Variants in TMEM132D observed in about 807,000 individuals in gnomAD.
TMEM132D encodes transmembrane protein 132D.
A neutral mutation model predicts 62.3 loss-of-function variants in TMEM132D; 21 were observed. The observed-to-expected ratio is 0.34, with a 90% CI of 0.24 to 0.49. The LOEUF is 0.49. Ranked by LOEUF, TMEM132D falls within the 20% of genes least tolerant of loss-of-function variation. The pLI is 0.99. For missense variants in TMEM132D, 1,346 were observed against 1,402.8 expected (o/e 0.96, Z 0.65); for synonymous variants, 621 against 575.6 (o/e 1.08, Z -1.13).
Position 129,277,033 on chromosome 12 carries a change from G to T in TMEM132D, c.1299+60601C>A, listed in dbSNP as rs375988981. Among the ~76,000 whole-genome samples the T allele has an allele frequency of 1.1e-3, 161 of 152,274 alleles. 8 individuals carry two copies. In the South Asian group the frequency reaches 0.032, roughly 31 times the overall value. On this transcript the variant is annotated intron_variant, in intron 4 of 8. Coordinates refer to ENST00000422113, the MANE Select transcript of TMEM132D (RefSeq NM_133448.3). The surrounding 1 kb of genome is among the most constrained non-coding windows in gnomAD (Gnocchi z 4.2). ...AGAAAGTAACCCAAGTCTTGGAGGAGATTCTAAGTCTGACCAAAGGCTAAG... is the reference window on the plus strand; with the variant it reads ...AGAAAGTAACCCAAGTCTTGGAGGATATTCTAAGTCTGACCAAAGGCTAAG...
In TMEM132D at chr12:129,805,203, T is replaced by C. The variant is rs1377363751; in HGVS notation, c.79+98058A>G. ...TTGGAAAAAACTACTTTAAAGTTCATATGGAACCAAAAAAGAGCCCGCATC... is the reference window on the plus strand; with the variant it reads ...TTGGAAAAAACTACTTTAAAGTTCACATGGAACCAAAAAAGAGCCCGCATC... On this transcript the variant is annotated intron_variant, in intron 1 of 8. Coordinates refer to ENST00000422113, the MANE Select transcript of TMEM132D (RefSeq NM_133448.3). Among the ~76,000 whole-genome samples, 7 of 151,898 alleles carry C rather than the reference T, an allele frequency of 4.6e-5. 1 individual carries two copies. The highest frequency in any genetic ancestry group is 1.7e-4 in the African/African-American group (7 of 41,250).
At chr12:129,797,394 C>T (rs780299500) in intron 1 of TMEM132D, among the ~76,000 whole-genome samples, 12 of 152,156 alleles carry the variant, frequency 7.9e-5, no homozygotes, top group Non-Finnish European at 1.5e-4. Flanking sequence ...TGCCATGTAA[C>T]GTTCATATTC....
chr12:129,473,554 C>A (rs1186874147), intron 3 of TMEM132D, among the ~76,000 whole-genome samples: 1 of 151,916 alleles, frequency 6.6e-6, no homozygotes, highest in African/African-American at 2.4e-5. Context: ...TGGTCTCGAA[C>A]CCCTGGCCTG....
intron 4 of TMEM132D, among the ~76,000 whole-genome samples, chr12:129,316,942 T>G (rs545549374): frequency 1.3e-5 from 2 of 152,172 alleles, no homozygotes; most frequent in Non-Finnish European, 1.5e-5. Context: ...TTAAAGTTTG[T>G]TTTGTCTGTT....
At chr12:129,476,933 T>C (rs946425398) in intron 3 of TMEM132D, among the ~76,000 whole-genome samples, 1 of 152,048 alleles carries the variant, frequency 6.6e-6, no homozygotes, top group Admixed American at 6.5e-5. Context: ...CTACCAATCG[T>C]TTTTTGTCCA....
At position 129,661,459 on chromosome 12, in the gene TMEM132D, C is replaced by T. The variant is rs369333722; in HGVS notation, c.968+38351G>A. On this transcript the variant is annotated intron_variant, in intron 2 of 8. Coordinates refer to ENST00000422113, the MANE Select transcript of TMEM132D (RefSeq NM_133448.3). ...TATTTGGTGCTCTGAAAACACAGTG[C>T]CTTAGTGAACTACTAACCTATTAGT... Among the ~76,000 whole-genome samples, 8 of 152,292 alleles carry T rather than the reference C, an allele frequency of 5.3e-5. 1 individual carries two copies. The highest frequency in any genetic ancestry group is 1.7e-4 in the African/African-American group (7 of 41,552).
intron 2 of TMEM132D, among the ~76,000 whole-genome samples, chr12:129,651,862 C>G (rs1246836901): frequency 6.6e-6 from 1 of 152,140 alleles, no homozygotes; most frequent in Non-Finnish European, 1.5e-5. Context: ...GAAACTGTAG[C>G]CTTCCCAGGA....
At chr12:129,104,079 G>T (rs1255541772) in intron 5 of TMEM132D, among the ~76,000 whole-genome samples, 4 of 150,098 alleles carry the variant, frequency 2.7e-5, no homozygotes, top group Non-Finnish European at 5.9e-5. Context: ...AGCCTGCATC[G>T]CCAAGTCAAT....
At chr12:129,175,709 T>C (rs530974078) in intron 5 of TMEM132D, among the ~76,000 whole-genome samples, 1 of 152,288 alleles carries the variant, frequency 6.6e-6, no homozygotes, top group East Asian at 1.9e-4. Context: ...ACTCCATCTC[T>C]AAATAAATAG....
intron 1 of TMEM132D, among the ~76,000 whole-genome samples, chr12:129,818,589 GTGTT>G (rs1179171175): frequency 4.0e-5 from 6 of 150,436 alleles, no homozygotes; most frequent in Non-Finnish European, 5.9e-5. Flanking sequence ...TGTGTGGAGT[GTGTT>G]TGTGTGTGTG....
At chr12:129,549,359 C>T (rs1241723961) in intron 2 of TMEM132D, among the ~76,000 whole-genome samples, 2 of 151,414 alleles carry the variant, frequency 1.3e-5, no homozygotes, top group African/African-American at 4.9e-5. Flanking sequence ...AATTGTAGCT[C>T]CTATAATTTC....
At chr12:129,351,715 A>C (rs920956623) in intron 3 of TMEM132D, among the ~76,000 whole-genome samples, 1 of 152,194 alleles carries the variant, frequency 6.6e-6, no homozygotes, top group African/African-American at 2.4e-5. Context: ...GATTTTACTC[A>C]TCGTGCTTTG....
At chr12:129,163,481 T>A (rs889174261) in intron 5 of TMEM132D, among the ~76,000 whole-genome samples, 2 of 152,096 alleles carry the variant, frequency 1.3e-5, no homozygotes, top group Non-Finnish European at 2.9e-5. Context: ...TGGGGTTGGG[T>A]TTGGCCACTG....
Position 129,598,725 on chromosome 12 carries a change from G to A in TMEM132D, c.969-67520C>T, listed in dbSNP as rs559271486. 9.2e-5 allele frequency among the ~76,000 whole-genome samples: 14 copies of A among 152,292 alleles called. 1 individual carries two copies. In the South Asian group the frequency reaches 2.7e-3, roughly 29 times the overall value. Reference sequence around the variant, plus strand: ...AATAGTCACACCTCACAGAAAAACTGTATTGATTTGTAAAGATCTATGTTT... The same window carrying A: ...AATAGTCACACCTCACAGAAAAACTATATTGATTTGTAAAGATCTATGTTT... On this transcript the variant is annotated intron_variant, in intron 2 of 8. Transcript: ENST00000422113.
intron 2 of TMEM132D, among the ~76,000 whole-genome samples, chr12:129,695,762 A>G (rs1881191122): frequency 6.6e-6 from 1 of 152,232 alleles, no homozygotes; most frequent in Non-Finnish European, 1.5e-5. Context: ...TCTGCAGCTT[A>G]TGTGCGGATA....
intron 1 of TMEM132D, among the ~76,000 whole-genome samples, chr12:129,706,308 T>C (rs187329943): frequency 1.4e-3 from 215 of 151,954 alleles, no homozygotes; most frequent in Admixed American, 2.7e-3. Flanking sequence ...ACAAAAAGAA[T>C]AGGCATAGAT....
At chr12:129,718,201 C>T (rs1868663436) in intron 1 of TMEM132D, among the ~76,000 whole-genome samples, 3 of 152,272 alleles carry the variant, frequency 2.0e-5, no homozygotes, top group Admixed American at 2.0e-4. Context: ...GTCCTGTGTG[C>T]AATATTAAGC....
At chr12:129,716,374 G>A (rs117642639) in intron 1 of TMEM132D, among the ~76,000 whole-genome samples, 12 of 152,262 alleles carry the variant, frequency 7.9e-5, no homozygotes, top group African/African-American at 2.4e-4. Flanking sequence ...CTGTGAAAAG[G>A]GCTTCAGAAG....
chr12:129,270,557 A>G (rs1464875911), intron 4 of TMEM132D, among the ~76,000 whole-genome samples: 2 of 152,302 alleles, frequency 1.3e-5, no homozygotes, highest in South Asian at 2.1e-4. Context: ...ATCTCCATCA[A>G]TTAGTAGAAT....
Sources: gnomAD v4.1 joint callset for allele counts (sites outside exome capture counted in the v4.1 genomes callset) on GRCh38, gnomAD v4.1.1 for gene constraint, Gnocchi (gnomAD v3.1) non-coding constraint, MANE v1.5 for transcripts, NCBI Gene and HGNC (gene_info 2026-07-23, HGNC 2026-07-21) for gene names.